CAST: variants seen among roughly 807,000 people sequenced by gnomAD.
CAST encodes the protein MIR583 host.
In CAST, 76 loss-of-function variants were observed where a neutral mutation model predicts 119.6. The ratio of observed to expected loss-of-function variants is 0.64; its 90% confidence interval spans 0.53 to 0.77. The LOEUF (loss-of-function observed/expected upper bound fraction) is 0.77. Ranked by LOEUF, CAST falls within the 30% of genes least tolerant of loss-of-function variation. The pLI, the probability that CAST is intolerant of heterozygous loss-of-function variation, is 0.00. For missense variants in CAST, 953 were observed against 946.5 expected (o/e 1.01, Z -0.09); for synonymous variants, 319 against 331.6 (o/e 0.96, Z 0.41).
chr5:96,250,298 C>G, the CAST span, among the ~76,000 whole-genome samples: 1 of 152,140 alleles, frequency 6.6e-6, no homozygotes, highest in Non-Finnish European at 1.5e-5. Flanking sequence ...ATTAGACAAG[C>G]CAGAGCCAAT....
the CAST span, among the ~76,000 whole-genome samples, chr5:96,283,691 A>G: frequency 6.6e-6 from 1 of 152,208 alleles, no homozygotes; most frequent in Non-Finnish European, 1.5e-5. Flanking sequence ...CACTTAGGTG[A>G]GGCTCCCATT....
chr5:96,669,290 G>T (rs558382704), intron 1 of CAST, among the ~76,000 whole-genome samples: 6 of 152,288 alleles, frequency 3.9e-5, no homozygotes, highest in Non-Finnish European at 7.4e-5. Context: ...AGGCATTTTT[G>T]TGGGAAATAC....
chr5:96,747,465 C>T, intron 18 of CAST, 73 bp downstream of exon 18: 1 of 1,031,216 alleles, frequency 9.7e-7, no homozygotes. Flanking sequence ...ATAATTTTGA[C>T]AGTCTGGAAT....
chr5:96,754,186 G>A, intron 21 of CAST, 25 bp downstream of exon 21: 2 of 1,306,536 alleles, frequency 1.5e-6, no homozygotes, highest in Non-Finnish European at 2.2e-6. Flanking sequence ...GATGCTTCTG[G>A]AAAATAAATA....
chr5:96,041,450 T>C, the CAST span, among the ~76,000 whole-genome samples: 1 of 151,944 alleles, frequency 6.6e-6, no homozygotes, highest in Admixed American at 6.6e-5. Context: ...CCAAGAGAAG[T>C]CTAAGGAAAC....
chr5:96,219,971 C>A, the CAST span, among the ~76,000 whole-genome samples: 1 of 152,154 alleles, frequency 6.6e-6, no homozygotes, highest in African/African-American at 2.4e-5. Flanking sequence ...AGCAGGATGT[C>A]TGAAGCTGAT....
chr5:96,548,755 G>A (rs968356044), intron 1 of CAST, among the ~76,000 whole-genome samples: 2 of 152,190 alleles, frequency 1.3e-5, no homozygotes, highest in African/African-American at 2.4e-5. Context: ...TCTGGGTAGA[G>A]CTGCCAGATT....
chr5:96,676,746 T>C (rs1010879327), intron 2 of CAST, among the ~76,000 whole-genome samples: 1 of 151,936 alleles, frequency 6.6e-6, no homozygotes, highest in African/African-American at 2.4e-5. Context: ...TTTTTCTTTT[T>C]CCCAACATGA....
upstream of CAST, among the ~76,000 whole-genome samples, chr5:96,529,650 A>C (rs1484842016): frequency 6.6e-6 from 1 of 152,152 alleles, no homozygotes; most frequent in African/African-American, 2.4e-5. Context: ...TTGTAGTTCC[A>C]ATAATCCCCA....
the CAST span, among the ~76,000 whole-genome samples, chr5:96,321,302 T>G: frequency 2.6e-5 from 4 of 152,300 alleles, no homozygotes; most frequent in African/African-American, 9.6e-5. Context: ...CCACTCCAAC[T>G]GTGACAACCA....
chr5:96,473,169 CA>C, the CAST span, among the ~76,000 whole-genome samples: 305 of 152,286 alleles, frequency 2.0e-3, 1 homozygote, highest in African/African-American at 6.6e-3. Context: ...TCAGAGGTAC[CA>C]GGGGTTAGGA....
chr5:96,580,281 G>T (rs772671814), intron 1 of CAST, among the ~76,000 whole-genome samples: 2 of 152,096 alleles, frequency 1.3e-5, no homozygotes, highest in Non-Finnish European at 2.9e-5. Context: ...TCGTAAATCA[G>T]AATTATGAAT....
At chr5:96,159,014 G>C in the CAST span, among the ~76,000 whole-genome samples, 2 of 152,124 alleles carry the variant, frequency 1.3e-5, no homozygotes, top group Non-Finnish European at 2.9e-5. Context: ...TATTTTGCTT[G>C]CCAGGTGTGC....
At chr5:96,031,274 A>G in the CAST span, among the ~76,000 whole-genome samples, 3 of 148,620 alleles carry the variant, frequency 2.0e-5, no homozygotes, top group Non-Finnish European at 4.4e-5. Context: ...TCTACCTTGG[A>G]TAGAGGAAGA....
chr5:96,407,936 T>G, the CAST span, among the ~76,000 whole-genome samples: 1 of 152,184 alleles, frequency 6.6e-6, no homozygotes, highest in African/African-American at 2.4e-5. Context: ...CAAAGCATAT[T>G]GATTTAGACA....
At chr5:96,396,710 A>T in the CAST span, among the ~76,000 whole-genome samples, 1 of 152,230 alleles carries the variant, frequency 6.6e-6, no homozygotes. Flanking sequence ...AAAATAAATA[A>T]TTAAGCTATA....
chr5:96,559,122 A>G (rs956836024), intron 1 of CAST, among the ~76,000 whole-genome samples: 10 of 152,124 alleles, frequency 6.6e-5, no homozygotes, highest in African/African-American at 2.2e-4. Flanking sequence ...GATTATCTCA[A>G]TAGATGCAGA....
chr5:96,001,788 A>C, the CAST span, among the ~76,000 whole-genome samples: 1 of 152,236 alleles, frequency 6.6e-6, no homozygotes, highest in African/African-American at 2.4e-5. Flanking sequence ...TCTGAATCAC[A>C]TTATCAAGTA....
chr5:96,135,241 A>C, the CAST span, among the ~76,000 whole-genome samples: 2 of 152,356 alleles, frequency 1.3e-5, no homozygotes, highest in East Asian at 3.8e-4. Context: ...GAAAGGATGG[A>C]GTATACAAAG....
Sources: gnomAD v4.1 joint callset for allele counts (sites outside exome capture counted in the v4.1 genomes callset) on GRCh38, gnomAD v4.1.1 for gene constraint, MANE v1.5 for transcripts, NCBI Gene and HGNC (gene_info 2026-07-23, HGNC 2026-07-21) for gene names.